Variants in GRIK3 observed in about 807,000 individuals in gnomAD.
The protein encoded by GRIK3 is glutamate ionotropic receptor kainate type subunit 3.
Under a neutral mutation model 102.5 loss-of-function variants are expected in GRIK3, and 29 were observed. The observed-to-expected ratio is 0.28, with a 90% confidence interval of 0.21 to 0.39. The LOEUF is 0.39. GRIK3 is among the 10% of genes least tolerant of loss of function. The pLI, the probability that GRIK3 is intolerant of heterozygous loss-of-function variation, is 1.00. For missense variants in GRIK3, 908 were observed against 1,252.4 expected (o/e 0.73, Z 4.15); for synonymous variants, 511 against 504.9 (o/e 1.01, Z -0.16).
At chr1:37,025,131 A>C (rs996730110) in intron 1 of GRIK3, among the ~76,000 whole-genome samples, 1 of 152,198 alleles carries the variant, frequency 6.6e-6, no homozygotes, top group African/African-American at 2.4e-5. Context: ...TTTTAGAGGA[A>C]AATTTGCAAC....
In GRIK3 at chr1:36,805,255, A is replaced by G; in HGVS notation, c.2315-18T>C. 1 of 1,590,944 alleles carries G rather than the reference A, an allele frequency of 6.3e-7. No homozygotes were observed. The highest frequency in any genetic ancestry group is 1.2e-5 in the South Asian group (1 of 86,886). On this transcript the variant is annotated intron_variant, in intron 14 of 15. Coordinates refer to ENST00000373091, the MANE Select transcript of GRIK3 (RefSeq NM_000831.4). ...TGGGGAGCCTGAGCAGGGAGAAGGG[A>G]CCCCTAGCCATCAGTGGCGTGTGGC... is the stretch of plus-strand genomic sequence containing the variant.
intron 1 of GRIK3, among the ~76,000 whole-genome samples, chr1:36,975,047 G>A (rs890619895): frequency 6.6e-6 from 1 of 152,096 alleles, no homozygotes; most frequent in Non-Finnish European, 1.5e-5. Context: ...TGTTTGAGAT[G>A]ATAAAACAGT....
intron 1 of GRIK3, among the ~76,000 whole-genome samples, chr1:37,021,101 T>C (rs1642707347): frequency 7.0e-6 from 1 of 141,860 alleles, no homozygotes; most frequent in Non-Finnish European, 1.5e-5. Flanking sequence ...AGTGTGTGTG[T>C]GTGTGTGTGT....
At chr1:36,957,797 G>C (rs866594782) in intron 1 of GRIK3, among the ~76,000 whole-genome samples, 1 of 145,690 alleles carries the variant, frequency 6.9e-6, no homozygotes, top group East Asian at 2.1e-4. Flanking sequence ...CCGTGACTCT[G>C]TGCCCAATGA....
intron 5 of GRIK3, among the ~76,000 whole-genome samples, chr1:36,869,095 C>G (rs986642182): frequency 1.3e-5 from 2 of 152,134 alleles, no homozygotes; most frequent in Non-Finnish European, 2.9e-5. Context: ...GGATGGGTGC[C>G]CTTTTGGCAC....
intron 2 of GRIK3, among the ~76,000 whole-genome samples, chr1:36,888,515 G>A (rs1641067198): frequency 6.6e-6 from 1 of 152,080 alleles, no homozygotes; most frequent in Non-Finnish European, 1.5e-5. Flanking sequence ...CCTTGACCAA[G>A]CTAATGTTCC....
In GRIK3 at chr1:36,872,804, AC is replaced by A. The variant is rs1345350962; in HGVS notation, c.551-436del. ...AGTTCACCCCTCTTCTTCTGTACCC[AC>A]CCCCAACATTGTGAGACATGGGACA... On this transcript the variant is annotated intron_variant, in intron 3 of 15. Transcript: ENST00000373091. The surrounding 1 kb of genome is among the most constrained non-coding windows in gnomAD (Gnocchi z 5.9). Among the ~76,000 whole-genome samples, 1 of 151,742 alleles carries A rather than the reference AC, an allele frequency of 6.6e-6. No homozygotes were observed. Among genetic ancestry groups the A allele is most frequent in the East Asian group, 1.9e-4 (1 of 5,166 alleles).
At chr1:36,804,702 G>A in intron 15 of GRIK3, 1 of 523,936 alleles carries the variant, frequency 1.9e-6, no homozygotes, top group Non-Finnish European at 3.3e-6. Flanking sequence ...TGTGTGAATT[G>A]TGGATGGTGT....
rs367588689 is a variant in GRIK3 at position 36,945,354 on chromosome 1, G to C, written c.116-54258C>G. 1.1e-3 allele frequency among the ~76,000 whole-genome samples: 175 copies of C among 152,326 alleles called. 2 individuals carry two copies. The South Asian group carries it at 0.03, about 26-fold the overall frequency. On this transcript the variant is annotated intron_variant, in intron 1 of 15. Coordinates refer to ENST00000373091, the MANE Select transcript of GRIK3 (RefSeq NM_000831.4). The stretch of plus-strand genomic sequence containing the variant: ...GAAGTGAGACTGGGCAGCTAGAGGG[G>C]GCCTGAGCCAGTCTCAAAGACCAGG...
intron 15 of GRIK3, among the ~76,000 whole-genome samples, chr1:36,804,377 T>C (rs915757665): frequency 3.9e-5 from 6 of 152,102 alleles, no homozygotes; most frequent in Non-Finnish European, 8.8e-5. Context: ...TGGGAGTGAG[T>C]CCAGGGCATT....
At chr1:37,022,357 C>T (rs896896587) in intron 1 of GRIK3, among the ~76,000 whole-genome samples, 5 of 152,144 alleles carry the variant, frequency 3.3e-5, no homozygotes, top group African/African-American at 7.2e-5. Context: ...GAGATGCTGA[C>T]GGACAAGTGG....
chr1:36,861,546 T>C (rs1640725617), intron 5 of GRIK3, among the ~76,000 whole-genome samples: 1 of 152,174 alleles, frequency 6.6e-6, no homozygotes, highest in African/African-American at 2.4e-5. Flanking sequence ...GCCGCAGCTT[T>C]AGTGAAATCA....
intron 2 of GRIK3, among the ~76,000 whole-genome samples, chr1:36,881,856 A>T (rs1269257383): frequency 6.6e-6 from 1 of 151,838 alleles, no homozygotes; most frequent in Non-Finnish European, 1.5e-5. Flanking sequence ...TTCGTCTCCC[A>T]TCCTTCTTTC....
At chr1:36,885,103 G>A (rs1334940613) in intron 2 of GRIK3, among the ~76,000 whole-genome samples, 1 of 152,258 alleles carries the variant, frequency 6.6e-6, no homozygotes, top group East Asian at 1.9e-4. Flanking sequence ...AATGGTGACG[G>A]CATTGCTGAG....
At chr1:36,996,555 C>T (rs1642421834) in intron 1 of GRIK3, among the ~76,000 whole-genome samples, 1 of 152,198 alleles carries the variant, frequency 6.6e-6, no homozygotes, top group Non-Finnish European at 1.5e-5. Context: ...AGACTTGACT[C>T]CATGTCATCC....
chr1:36,983,134 C>A (rs936828936), intron 1 of GRIK3, among the ~76,000 whole-genome samples: 1 of 152,170 alleles, frequency 6.6e-6, no homozygotes, highest in East Asian at 1.9e-4. Flanking sequence ...TGTGCACACC[C>A]GAGCAGCATG....
chr1:36,989,517 C>G (rs773860061), intron 1 of GRIK3, among the ~76,000 whole-genome samples: 1 of 152,230 alleles, frequency 6.6e-6, no homozygotes, highest in Non-Finnish European at 1.5e-5. Context: ...TGCCGCCAAG[C>G]GCTCCTCCCG....
intron 1 of GRIK3, among the ~76,000 whole-genome samples, chr1:37,025,807 G>A (rs1268926394): frequency 1.3e-5 from 2 of 152,122 alleles, no homozygotes; most frequent in East Asian, 1.9e-4. Context: ...ATACAAACCA[G>A]AATCTTAGTT....
chr1:36,929,652 C>T (rs143797485), intron 1 of GRIK3, among the ~76,000 whole-genome samples: 2 of 152,280 alleles, frequency 1.3e-5, no homozygotes, highest in African/African-American at 4.8e-5. Flanking sequence ...AGAGACCCAG[C>T]AAATAAAGTC....
Sources: allele counts gnomAD v4.1 joint callset (sites outside exome capture counted in the v4.1 genomes callset), GRCh38; gene constraint gnomAD v4.1.1; non-coding constraint Gnocchi (gnomAD v3.1); transcripts MANE v1.5; gene names NCBI Gene and HGNC (gene_info 2026-07-23, HGNC 2026-07-21).